EFTUD2: variants seen among roughly 807,000 people sequenced by gnomAD.
EFTUD2 encodes 116 kDa U5 small nuclear ribonucleoprotein component.
EFTUD2 carries 9 observed loss-of-function variants against 114.3 expected under a neutral mutation model. The observed-to-expected ratio is 0.08, with a 90% CI of 0.05 to 0.14. The LOEUF is 0.14. EFTUD2 is among the 10% of genes least tolerant of loss of function. The pLI, the probability that EFTUD2 is intolerant of heterozygous loss-of-function variation, is 1.00. For synonymous variants in EFTUD2, 449 were observed against 462.3 expected (o/e 0.97, Z 0.37); for missense variants, 765 against 1,241.2 (o/e 0.62, Z 5.76).
At chr17:44,880,408 G>A in intron 8 of EFTUD2, 146 bp downstream of exon 8, 1 of 572,740 alleles carries the variant, frequency 1.7e-6, no homozygotes, top group Non-Finnish European at 3.1e-6. Flanking sequence ...AGAAACAAAG[G>A]AGAGAGTCAA....
chr17:44,853,450 C>CA (rs1159312289), intron 24 of EFTUD2, 60 bp from the exon 25 acceptor site: 3 of 1,611,688 alleles, frequency 1.9e-6, no homozygotes, highest in Non-Finnish European at 2.5e-6. Flanking sequence ...CCTATAGTCC[C>CA]ACTTGCTCCT....
chr17:44,870,160 T>G (rs1381599672), intron 11 of EFTUD2, among the ~76,000 whole-genome samples: 1 of 152,180 alleles, frequency 6.6e-6, no homozygotes, highest in African/African-American at 2.4e-5. Context: ...GCCCAGCCCA[T>G]AGCTAGCTCT....
chr17:44,854,477 T>C lies in EFTUD2; in HGVS notation c.2259+79A>G. On this transcript the variant is annotated intron_variant, in intron 22 of 27. Transcript: ENST00000426333. This position sits in a 1 kb window ranked among gnomAD's most constrained non-coding sequence, Gnocchi z 4.3. Reference sequence around the variant, plus strand: ...CTTCACCAGAGGACACAAGATACTTTTGGGAAAAGAACACTTTGTAGTTTC... The same window carrying C: ...CTTCACCAGAGGACACAAGATACTTCTGGGAAAAGAACACTTTGTAGTTTC... 2 of 1,581,158 alleles carry C rather than the reference T, an allele frequency of 1.3e-6. No homozygotes were observed. Among genetic ancestry groups the C allele is most frequent in the Non-Finnish European group, 1.7e-6 (2 of 1,161,058 alleles).
rs1352034837 is a variant in EFTUD2 at position 44,853,303 on chromosome 17, T to A, written c.2554A>T (p.Arg852Trp). 1 of 1,613,714 alleles carries A rather than the reference T, an allele frequency of 6.2e-7. No homozygotes were observed. Among genetic ancestry groups the A allele is most frequent in the African/African-American group, 1.3e-5 (1 of 74,904 alleles). Residue 852 changes from arginine (R) to tryptophan (W), a missense_variant, in exon 25 of 28, where the codon AGG becomes TGG. Physicochemically the swap from Arg to Trp is moderately radical, Grantham distance 101 (BLOSUM62 -3). Transcript: ENST00000426333. ...ACGCCTGGGGCCGCTCACCTGCGCC[T>A]GGCCAGGACGGTATAAACTGCAGAG... Reference protein sequence around the residue: ...CVSAVYTVLARRRGHVTQDAP... With the variant: ...CVSAVYTVLAWRRGHVTQDAP...
intron 1 of EFTUD2, among the ~76,000 whole-genome samples, chr17:44,897,976 G>A (rs1157943247): frequency 1.3e-5 from 2 of 152,174 alleles, no homozygotes; most frequent in African/African-American, 4.8e-5. Flanking sequence ...TGAATGGGAT[G>A]TTTAATTTTA....
chr17:44,866,553 ATT>A (rs2050749347), intron 13 of EFTUD2, among the ~76,000 whole-genome samples: 2 of 151,856 alleles, frequency 1.3e-5, no homozygotes, highest in African/African-American at 2.4e-5. Context: ...TAATTTTTGT[ATT>A]TTTAGTAGAA....
Position 44,867,867 on chromosome 17 carries a change from G to A in EFTUD2, c.1089C>T (p.Ser363=), listed in dbSNP as rs765510613. The change falls in exon 13 of 28, where the codon AGC becomes AGT. Residue 363 remains serine (S), a synonymous_variant. Transcript: ENST00000426333. ...ACTCCACGAAACTTCTCTGGGAGCT[G>A]CTAGTTGGGGCCTTTTTGGTGAACT... The part of the protein sequence containing the change: ...TRKFTKKAPT[S]SSQRSFVEFI... 8 of 1,603,914 alleles carry A rather than the reference G, an allele frequency of 5.0e-6. No individual in the cohort carries two copies. In the Admixed American group the frequency reaches 1.4e-4, roughly 27 times the overall value.
chr17:44,875,906 A>G lies in EFTUD2; in HGVS notation c.869+28T>C, dbSNP rs779111567. ...GTTAAAACCCAGAGCCTCCGAGGAC[A>G]GGAAATCCACTCCCAGGGGTTTTCT... On this transcript the variant is annotated intron_variant, in intron 10 of 27. Transcript: ENST00000426333. The G allele has an allele frequency of 4.1e-5, 66 of 1,606,580 alleles. 1 individual carries two copies. Among genetic ancestry groups the G allele is most frequent in the Non-Finnish European group, 6.0e-6 (7 of 1,174,696 alleles).
chr17:44,866,607 G>A (rs2050750515), intron 13 of EFTUD2, among the ~76,000 whole-genome samples: 1 of 151,944 alleles, frequency 6.6e-6, no homozygotes, highest in African/African-American at 2.4e-5. Flanking sequence ...TTGAACTCCT[G>A]GACTCAAGTG....
At chr17:44,855,025 T>TG in intron 20 of EFTUD2, 21 bp from the exon 21 acceptor site, 1 of 1,604,696 alleles carries the variant, frequency 6.2e-7, no homozygotes, top group Non-Finnish European at 8.5e-7. Context: ...TGGAAATGGG[T>TG]GGTAAGGACG....
At chr17:44,857,189 G>C (rs1242630633) in intron 19 of EFTUD2, 32 bp from the exon 20 acceptor site, 1 of 1,602,440 alleles carries the variant, frequency 6.2e-7, no homozygotes, top group Admixed American at 1.7e-5. Flanking sequence ...ACTGAAGCGA[G>C]GTCTAATTTT....
chr17:44,851,532 G>T (rs1389334960), intron 27 of EFTUD2, among the ~76,000 whole-genome samples, 163 bp from the exon 28 acceptor site: 1 of 152,206 alleles, frequency 6.6e-6, no homozygotes, highest in African/African-American at 2.4e-5. Flanking sequence ...GGGAGGATAA[G>T]GCTCTCCTTT....
chr17:44,851,885 C>T (rs901442411), intron 26 of EFTUD2, 68 bp from the exon 27 acceptor site: 4 of 1,311,532 alleles, frequency 3.0e-6, no homozygotes, highest in African/African-American at 3.0e-5. Context: ...AGAAGCAGGA[C>T]TCTTCTTATT....
chr17:44,860,114 G>GA, intron 17 of EFTUD2, 69 bp from the exon 18 acceptor site: 1 of 1,606,272 alleles, frequency 6.2e-7, no homozygotes, highest in Non-Finnish European at 8.5e-7. Context: ...AGAGGTATGA[G>GA]AAGAGAAGAG....
chr17:44,868,246 T>C (rs1474072071), intron 12 of EFTUD2, 41 bp downstream of exon 12: 7 of 1,562,928 alleles, frequency 4.5e-6, no homozygotes, highest in Non-Finnish European at 6.1e-6. Context: ...ACTGGGTAAA[T>C]GATCACCCCT....
At chr17:44,858,913 G>A (rs2050605772) in intron 19 of EFTUD2, among the ~76,000 whole-genome samples, 167 bp downstream of exon 19, 2 of 152,096 alleles carry the variant, frequency 1.3e-5, no homozygotes, top group African/African-American at 4.8e-5. Flanking sequence ...CACAGCAGAA[G>A]GGGGCAAACC....
intron 3 of EFTUD2, among the ~76,000 whole-genome samples, chr17:44,885,803 T>C (rs116069889): frequency 0.012 from 1,855 of 152,116 alleles, 38 homozygotes; most frequent in African/African-American, 0.042. Flanking sequence ...ATTTTTGTAC[T>C]TTTTTTGTAG....
intron 2 of EFTUD2, chr17:44,892,477 T>C (rs2051296269): frequency 6.6e-6 from 1 of 152,138 alleles, no homozygotes; most frequent in Middle Eastern, 3.2e-3. Context: ...ATGCAGCCCA[T>C]GTTCTTTTCA....
chr17:44,877,815 A>AAAT (rs143158952), intron 9 of EFTUD2, among the ~76,000 whole-genome samples: 1 of 149,564 alleles, frequency 6.7e-6, no homozygotes, highest in Non-Finnish European at 1.5e-5. Context: ...CAAAAAAACA[A>AAAT]AACAACAACA....
Sources: allele counts gnomAD v4.1 joint callset (sites outside exome capture counted in the v4.1 genomes callset), GRCh38; gene constraint gnomAD v4.1.1; non-coding constraint Gnocchi (gnomAD v3.1); transcripts MANE v1.5; gene names NCBI Gene and HGNC (gene_info 2026-07-23, HGNC 2026-07-21).